The following KCNN3 variants were observed in gnomAD, a reference collection of about 807,000 sequenced individuals.
The protein encoded by KCNN3 is small conductance calcium-activated potassium channel protein 3.
In KCNN3, 16 loss-of-function variants were observed where a neutral mutation model predicts 62.9. The observed-to-expected ratio is 0.25, with a 90% CI of 0.17 to 0.39. The LOEUF is 0.39. Ranked by LOEUF, KCNN3 falls within the 10% of genes least tolerant of loss-of-function variation. KCNN3 has a pLI of 1.00. For missense variants in KCNN3, 599 were observed against 949.4 expected (o/e 0.63, Z 4.85); for synonymous variants, 370 against 389.2 (o/e 0.95, Z 0.58).
intron 2 of KCNN3, among the ~76,000 whole-genome samples, chr1:154,800,599 T>C (rs1393526525): frequency 6.6e-6 from 1 of 152,098 alleles, no homozygotes; most frequent in African/African-American, 2.4e-5. Context: ...CACCCCACCC[T>C]GAGAAGACTG....
intron 1 of KCNN3, among the ~76,000 whole-genome samples, chr1:154,843,474 G>A (rs1651918207): frequency 6.6e-6 from 1 of 152,032 alleles, no homozygotes; most frequent in African/African-American, 2.4e-5. Flanking sequence ...AATAGAGATG[G>A]GGTCTGGCTA....
At chr1:154,713,870 T>C (rs538341084) in intron 6 of KCNN3, among the ~76,000 whole-genome samples, 1 of 151,758 alleles carries the variant, frequency 6.6e-6, no homozygotes, top group Non-Finnish European at 1.5e-5. Flanking sequence ...ATGAATGTTT[T>C]CATCCTTTGC....
intron 7 of KCNN3, among the ~76,000 whole-genome samples, chr1:154,709,931 A>G (rs1162206869): frequency 1.3e-5 from 2 of 152,206 alleles, no homozygotes. Context: ...TGGGATGGTC[A>G]CTTTGTTCCC....
intron 3 of KCNN3, among the ~76,000 whole-genome samples, chr1:154,744,455 G>A (rs1172106918): frequency 6.6e-6 from 1 of 152,230 alleles, no homozygotes; most frequent in Non-Finnish European, 1.5e-5. Flanking sequence ...CACAGGGTGG[G>A]GCGTGGAGGC....
intron 3 of KCNN3, among the ~76,000 whole-genome samples, chr1:154,770,595 C>T (rs1648504779): frequency 6.6e-6 from 1 of 152,180 alleles, no homozygotes; most frequent in Admixed American, 6.5e-5. Context: ...TAAAAATAAT[C>T]TATCTCAAGC....
At chr1:154,770,196 A>G (rs889046496) in intron 3 of KCNN3, among the ~76,000 whole-genome samples, 1 of 152,242 alleles carries the variant, frequency 6.6e-6, no homozygotes, top group Admixed American at 6.5e-5. Context: ...ATAGGTGAGC[A>G]TGGTGTGTCC....
intron 3 of KCNN3, among the ~76,000 whole-genome samples, chr1:154,734,387 G>A (rs549211380): frequency 3.7e-4 from 57 of 152,332 alleles, no homozygotes; most frequent in African/African-American, 1.2e-3. Flanking sequence ...GAGCAGAAAA[G>A]CCATTTAGGA....
Position 154,714,959 on chromosome 1 carries a change from G to C in KCNN3, c.1746C>G (p.Ile582Met). The C allele has an allele frequency of 6.2e-7, 1 of 1,613,708 alleles. No individual in the cohort carries two copies. Residue 582 changes from isoleucine (I) to methionine (M), a missense_variant, in exon 6 of 8, where the codon ATC becomes ATG. Around this residue, in one of 7 missense-constraint regions of KCNN3, gnomAD observed 288 missense variants for 557.4 expected, o/e 0.52. Transcript: ENST00000271915. ...AANVLRETWL[I>M]YKHTKLLKKI... ...TCTTTAGCAGCTTTGTGTGTTTATA[G>C]ATTAACCATGTTTCCCGAAGGACAT... is the stretch of plus-strand genomic sequence containing the variant.
At chr1:154,828,489 G>C (rs1025125233) in intron 1 of KCNN3, among the ~76,000 whole-genome samples, 2 of 152,056 alleles carry the variant, frequency 1.3e-5, no homozygotes, top group Admixed American at 6.5e-5. Flanking sequence ...GTCATGGGGG[G>C]GCTAACGAAG....
intron 7 of KCNN3, among the ~76,000 whole-genome samples, chr1:154,711,925 AC>A (rs1700085133): frequency 6.6e-6 from 1 of 151,632 alleles, no homozygotes; most frequent in Non-Finnish European, 1.5e-5. Flanking sequence ...GAAGAGAGAG[AC>A]AGGGAAAGGG....
At chr1:154,769,198 C>G (rs1467732597) in intron 3 of KCNN3, among the ~76,000 whole-genome samples, 2 of 152,168 alleles carry the variant, frequency 1.3e-5, no homozygotes, top group African/African-American at 2.4e-5. Context: ...GGCAAGGTAC[C>G]TCTCTCATAG....
chr1:154,761,766 C>G (rs1648025608), intron 3 of KCNN3, among the ~76,000 whole-genome samples: 1 of 152,136 alleles, frequency 6.6e-6, no homozygotes, highest in African/African-American at 2.4e-5. Context: ...TGGAGAAACT[C>G]CGTCTCTACT....
chr1:154,869,707 A>T lies in KCNN3; in HGVS notation c.258T>A (p.Ser86=). The T allele has an allele frequency of 7.3e-7, 1 of 1,363,496 alleles. No individual in the cohort carries two copies. Among genetic ancestry groups the T allele is most frequent in the South Asian group, 1.3e-5 (1 of 76,808 alleles). The allele number at this position is 1,363,496 out of a possible 1,614,324, so 84.5% of individuals were successfully genotyped here. The change falls in exon 1 of 8, where the codon TCT becomes TCA. Residue 86 remains serine (S), a synonymous_variant. Coordinates refer to ENST00000271915, the MANE Select transcript of KCNN3 (RefSeq NM_002249.6). This position sits in a 1 kb window ranked among gnomAD's most constrained non-coding sequence, Gnocchi z 6.1. ...QQQQQPPHPL[S]QLAQLQSQPV... is the part of the protein sequence containing the mutation. ...GCTGGCTCTGGAGTTGGGCGAGCTG[A>T]GACAGGGGATGCGGTGGCTGCTGCT...
intron 5 of KCNN3, among the ~76,000 whole-genome samples, chr1:154,719,776 G>A (rs148037866): frequency 1.3e-5 from 2 of 152,070 alleles, no homozygotes; most frequent in East Asian, 1.9e-4. Flanking sequence ...TGGCTTCCCC[G>A]GCTGCCCTCT....
rs1699927147 is a variant in KCNN3 at position 154,704,508 on chromosome 1, T to C, written c.*3468A>G. The stretch of plus-strand genomic sequence containing the variant: ...CCTGAAATTCCACTGAGATTAGTGG[T>C]CTTAAAGTATCACAGTACATCCCTG... On this transcript the variant is annotated 3_prime_UTR_variant, in exon 8 of 8. Coordinates refer to ENST00000271915, the MANE Select transcript of KCNN3 (RefSeq NM_002249.6). 1 of 152,142 alleles carries C rather than the reference T, an allele frequency of 6.6e-6. No individual in the cohort carries two copies. The allele number at this position is 152,142 out of a possible 1,614,324, so 9.4% of individuals were successfully genotyped here.
chr1:154,722,598 T>C (rs898553900), intron 5 of KCNN3, among the ~76,000 whole-genome samples: 4 of 151,888 alleles, frequency 2.6e-5, no homozygotes, highest in African/African-American at 9.7e-5. Context: ...TTCACTGTGT[T>C]AGCCAGGAAG....
Position 154,809,665 on chromosome 1 carries a change from A to C in KCNN3, c.1029+12424T>G, listed in dbSNP as rs985836823. ...ACATGTTGCTGAGTGAGATGCTAAAAGGCCTGGACAGACTAGAATGAAGGG... is the reference window on the plus strand; with the variant it reads ...ACATGTTGCTGAGTGAGATGCTAAACGGCCTGGACAGACTAGAATGAAGGG... On this transcript the variant is annotated intron_variant, in intron 2 of 7. Transcript: ENST00000271915. This position sits in a 1 kb window ranked among gnomAD's most constrained non-coding sequence, Gnocchi z 4.3. Among the ~76,000 whole-genome samples, 11 of 152,198 alleles carry C rather than the reference A, an allele frequency of 7.2e-5. No homozygotes were observed. Among genetic ancestry groups the C allele is most frequent in the African/African-American group, 2.4e-4 (10 of 41,448 alleles).
intron 1 of KCNN3, among the ~76,000 whole-genome samples, chr1:154,845,469 C>T (rs1377790465): frequency 3.3e-5 from 5 of 152,184 alleles, no homozygotes; most frequent in South Asian, 4.1e-4. Context: ...GGGAGAGTGA[C>T]TCCTACACCC....
intron 1 of KCNN3, among the ~76,000 whole-genome samples, chr1:154,854,340 G>T (rs1356177551): frequency 6.6e-6 from 1 of 152,188 alleles, no homozygotes; most frequent in Non-Finnish European, 1.5e-5. Context: ...TAACAATTGT[G>T]ATTGTTATTG....
Sources: gnomAD v4.1 joint callset for allele counts (sites outside exome capture counted in the v4.1 genomes callset) on GRCh38, gnomAD v4.1.1 for gene constraint, gnomAD v4.1.1 regional missense constraint, Gnocchi (gnomAD v3.1) non-coding constraint, MANE v1.5 for transcripts, NCBI Gene and HGNC (gene_info 2026-07-23, HGNC 2026-07-21) for gene names.